NRXN3: variants seen among roughly 807,000 people sequenced by gnomAD.
NRXN3 encodes the protein neurexin 3.
In NRXN3, 32 loss-of-function variants were observed where a neutral mutation model predicts 137.6. That is an observed-to-expected ratio of 0.23 (90% CI 0.18 to 0.31). The LOEUF (loss-of-function observed/expected upper bound fraction) is 0.31, where lower values mean the gene tolerates loss of function less well. Ranked by LOEUF, NRXN3 falls within the 10% of genes least tolerant of loss-of-function variation. The pLI, the probability that NRXN3 is intolerant of heterozygous loss-of-function variation, is 1.00. For synonymous variants in NRXN3, 798 were observed against 784.5 expected, an observed-to-expected ratio of 1.02 and a Z score of -0.29; for missense variants, 1,574 against 2,062.5, an observed-to-expected ratio of 0.76 and a Z score of 4.59.
At chr14:78,853,069 GT>G (rs149070905) in intron 10 of NRXN3, among the ~76,000 whole-genome samples, 1 of 151,662 alleles carries the variant, frequency 6.6e-6, no homozygotes, top group African/African-American at 2.4e-5. Context: ...GTATCATACG[GT>G]TTTTTTTACT....
At chr14:78,523,667 A>G (rs1231548415) in intron 4 of NRXN3, among the ~76,000 whole-genome samples, 1 of 121,826 alleles carries the variant, frequency 8.2e-6, no homozygotes, top group Non-Finnish European at 1.8e-5. Context: ...AAAAAAAAAA[A>G]TTAGCTGGGC....
At chr14:79,181,189 C>T (rs2062886704) in intron 15 of NRXN3, among the ~76,000 whole-genome samples, 1 of 151,864 alleles carries the variant, frequency 6.6e-6, no homozygotes, top group Non-Finnish European at 1.5e-5. Flanking sequence ...TCTGAGATTC[C>T]ACTTTGACCT....
chr14:78,801,172 T>G (rs1293552964), intron 8 of NRXN3, among the ~76,000 whole-genome samples: 3 of 152,034 alleles, frequency 2.0e-5, no homozygotes, highest in African/African-American at 7.2e-5. Context: ...ATACAAAAAA[T>G]TAGCCGCACA....
intron 15 of NRXN3, among the ~76,000 whole-genome samples, chr14:79,042,502 T>A (rs1317916141): frequency 6.6e-6 from 1 of 152,230 alleles, no homozygotes; most frequent in East Asian, 1.9e-4. Context: ...AATTCCATTT[T>A]GTCTGACTCC....
At chr14:79,472,294 G>A (rs1006453785) in intron 16 of NRXN3, among the ~76,000 whole-genome samples, 2 of 152,088 alleles carry the variant, frequency 1.3e-5, no homozygotes, top group Non-Finnish European at 2.9e-5. Flanking sequence ...TAAACCTAAA[G>A]TCTTCCCACT....
intron 4 of NRXN3, among the ~76,000 whole-genome samples, chr14:78,544,067 T>C (rs935309279): frequency 6.6e-6 from 1 of 152,212 alleles, no homozygotes; most frequent in African/African-American, 2.4e-5. Flanking sequence ...CTGTCTTACA[T>C]TTCCAGGTTT....
intron 4 of NRXN3, among the ~76,000 whole-genome samples, chr14:78,322,056 C>T (rs187161535): frequency 7.9e-5 from 12 of 152,050 alleles, no homozygotes; most frequent in East Asian, 1.9e-4. Flanking sequence ...TCCTTTCTAC[C>T]GCACTACCCT....
At chr14:79,703,164 A>AAGCTTCACAAACTTGGTGGTTG in intron 19 of NRXN3, among the ~76,000 whole-genome samples, 1 of 152,182 alleles carries the variant, frequency 6.6e-6, no homozygotes, top group Non-Finnish European at 1.5e-5. Flanking sequence ...TTTCATTCTC[A>AAGCTTCACAAACTTGGTGGTTG]AGCTTCACAA....
chr14:78,454,983 A>G (rs2094651346), intron 4 of NRXN3, among the ~76,000 whole-genome samples: 1 of 152,178 alleles, frequency 6.6e-6, no homozygotes, highest in South Asian at 2.1e-4. Context: ...TGAACTCTCA[A>G]GGCTGATTTT....
intron 15 of NRXN3, among the ~76,000 whole-genome samples, chr14:79,382,830 G>A (rs1162186833): frequency 6.6e-6 from 1 of 152,054 alleles, no homozygotes; most frequent in Non-Finnish European, 1.5e-5. Context: ...AAGAACTGAG[G>A]TTCCAACTTT....
rs936124622 is a variant in NRXN3 at position 79,548,759 on chromosome 14, A to C, written c.3444+81357A>C. ...TACATTTAAAGATTAAAAAAAAAAA[A>C]AACAAAAAAAATCATGTTCCCTAAA... On this transcript the variant is annotated intron_variant, in intron 16 of 20. Coordinates refer to ENST00000335750, the MANE Select transcript of NRXN3 (RefSeq NM_001330195.2). 3.3e-5 allele frequency among the ~76,000 whole-genome samples: 5 copies of C among 151,518 alleles called. No individual in the cohort carries two copies. In the South Asian group the frequency reaches 6.2e-4, roughly 19 times the overall value.
intron 20 of NRXN3, among the ~76,000 whole-genome samples, chr14:79,811,790 G>A (rs2099234769): frequency 1.3e-5 from 2 of 151,410 alleles, no homozygotes; most frequent in East Asian, 3.9e-4. Context: ...CACCATGTTA[G>A]CCAGGATGGT....
intron 16 of NRXN3, among the ~76,000 whole-genome samples, chr14:79,638,232 C>T (rs1039076913): frequency 6.6e-6 from 1 of 152,142 alleles, no homozygotes; most frequent in Admixed American, 6.5e-5. Flanking sequence ...GTATGTAAAT[C>T]GAACCTAATG....
intron 4 of NRXN3, among the ~76,000 whole-genome samples, chr14:78,321,974 C>T (rs535213597): frequency 6.6e-6 from 1 of 152,108 alleles, no homozygotes; most frequent in Non-Finnish European, 1.5e-5. Flanking sequence ...CCAATACACA[C>T]TCCCTACTTT....
At chr14:79,748,724 T>A (rs1448767327) in intron 19 of NRXN3, among the ~76,000 whole-genome samples, 1 of 152,066 alleles carries the variant, frequency 6.6e-6, no homozygotes, top group Non-Finnish European at 1.5e-5. Flanking sequence ...TTTTCTGTGA[T>A]TGTAATGGCT....
intron 8 of NRXN3, among the ~76,000 whole-genome samples, chr14:78,733,082 A>T (rs1171275004): frequency 6.6e-6 from 1 of 152,046 alleles, no homozygotes; most frequent in Admixed American, 6.6e-5. Flanking sequence ...TTCTCTGCTG[A>T]TGGGCCTCTT....
chr14:78,213,006 C>G (rs1042041021), intron 1 of NRXN3, among the ~76,000 whole-genome samples: 1 of 152,182 alleles, frequency 6.6e-6, no homozygotes, highest in Non-Finnish European at 1.5e-5. Context: ...CTCTAAGGAC[C>G]TGGGTTTTAT....
At chr14:79,576,799 TA>T (rs1013535699) in intron 16 of NRXN3, among the ~76,000 whole-genome samples, 2 of 152,226 alleles carry the variant, frequency 1.3e-5, no homozygotes, top group Non-Finnish European at 2.9e-5. Context: ...CATATTATCC[TA>T]AGCTTTCTCA....
intron 4 of NRXN3, among the ~76,000 whole-genome samples, chr14:78,458,942 C>T (rs557401116): frequency 4.6e-5 from 7 of 152,314 alleles, no homozygotes; most frequent in African/African-American, 1.7e-4. Flanking sequence ...GTCTGAGACT[C>T]CTTCCAACTC....
Sources: allele counts gnomAD v4.1 joint callset (sites outside exome capture counted in the v4.1 genomes callset), GRCh38; gene constraint gnomAD v4.1.1; transcripts MANE v1.5; gene names NCBI Gene and HGNC (gene_info 2026-07-23, HGNC 2026-07-21).